Variants in KCNT2 observed in about 807,000 individuals in gnomAD.
The protein encoded by KCNT2 is potassium channel subfamily T member 2.
A neutral mutation model predicts 153.8 loss-of-function variants in KCNT2; 67 were observed. The ratio of observed to expected loss-of-function variants is 0.44; its 90% confidence interval spans 0.36 to 0.53. The LOEUF (loss-of-function observed/expected upper bound fraction) is 0.53, where lower values mean the gene tolerates loss of function less well. Among genes scored for constraint, KCNT2 ranks in the 20% least tolerant of loss-of-function variants. KCNT2 has a pLI of 0.00. For missense variants in KCNT2, 975 were observed against 1,354.8 expected, an observed-to-expected ratio of 0.72 and a Z score of 4.40; for synonymous variants, 500 against 458.8, an observed-to-expected ratio of 1.09 and a Z score of -1.15.
intron 25 of KCNT2, among the ~76,000 whole-genome samples, chr1:196,265,257 C>T (rs775523697): frequency 5.3e-5 from 8 of 152,216 alleles, no homozygotes; most frequent in Non-Finnish European, 7.4e-5. Context: ...GTTGTATTGT[C>T]GAGACAATTA....
chr1:196,479,351 G>A (rs1160431818), intron 4 of KCNT2, 113 bp from the exon 5 acceptor site: 9 of 622,194 alleles, frequency 1.4e-5, no homozygotes, highest in Middle Eastern at 4.2e-4. Context: ...ATATATGGGT[G>A]TATAATAGGA....
At chr1:196,365,609 C>CA (rs377364051) in intron 14 of KCNT2, among the ~76,000 whole-genome samples, 8 of 151,540 alleles carry the variant, frequency 5.3e-5, no homozygotes, top group East Asian at 1.9e-4. Flanking sequence ...GTCATTGTTC[C>CA]AAAAAAAATC....
intron 1 of KCNT2, among the ~76,000 whole-genome samples, chr1:196,525,626 G>T (rs1246143136): frequency 6.6e-6 from 1 of 152,182 alleles, no homozygotes. Flanking sequence ...CTATAGAAAA[G>T]ATGGGAAGGT....
chr1:196,398,626 G>C lies in KCNT2; in HGVS notation c.1231C>G (p.Pro411Ala). ...LRAWAVKDFA[P>A]NCPLYVQILK... ...ATCTGGACATACAAAGGACAATTTG[G>C]AGCAAAATCTTTCACAGCCCATGCT... Residue 411 changes from proline to alanine, a missense_variant, in exon 13 of 28, where the codon CCA becomes GCA. Coordinates refer to ENST00000294725, the MANE Select transcript of KCNT2 (RefSeq NM_198503.5). The C allele has an allele frequency of 6.2e-7, 1 of 1,608,840 alleles. No homozygotes were observed. Among genetic ancestry groups the C allele is most frequent in the Non-Finnish European group, 8.5e-7 (1 of 1,176,552 alleles).
intron 14 of KCNT2, among the ~76,000 whole-genome samples, chr1:196,363,896 C>G (rs1001081330): frequency 3.9e-5 from 6 of 152,086 alleles, no homozygotes; most frequent in Non-Finnish European, 7.4e-5. Context: ...AGTATATATA[C>G]TAGCAAACAT....
intron 27 of KCNT2, among the ~76,000 whole-genome samples, chr1:196,235,353 CCTT>C (rs1553259834): frequency 6.6e-6 from 1 of 151,370 alleles, no homozygotes; most frequent in Non-Finnish European, 1.5e-5. Flanking sequence ...AATAATGTCT[CCTT>C]CTATTAATTC....
intron 1 of KCNT2, among the ~76,000 whole-genome samples, chr1:196,501,303 C>T (rs1260608291): frequency 6.6e-6 from 1 of 152,000 alleles, no homozygotes; most frequent in African/African-American, 2.4e-5. Flanking sequence ...ATGGAATGAA[C>T]TTAAGTGTAT....
chr1:196,466,791 T>C (rs994726290), intron 7 of KCNT2, among the ~76,000 whole-genome samples: 1 of 152,050 alleles, frequency 6.6e-6, no homozygotes, highest in Non-Finnish European at 1.5e-5. Flanking sequence ...ACATTTGTGG[T>C]ATGAATGACT....
In KCNT2 at chr1:196,538,395, G is replaced by A. The variant is rs145812690; in HGVS notation, c.96-46054C>T. On this transcript the variant is annotated intron_variant, in intron 1 of 27. Coordinates refer to ENST00000294725, the MANE Select transcript of KCNT2 (RefSeq NM_198503.5). ...TTCTAACTGAGGTCTAAGGGGAGTC[G>A]GTGAAGTGGTGGGTAGCTGGAAAAA... Among the ~76,000 whole-genome samples, 682 of 152,194 alleles carry A rather than the reference G, an allele frequency of 4.5e-3. 14 individuals are homozygous for A. The South Asian group carries it at 0.063, about 14-fold the overall frequency.
intron 13 of KCNT2, among the ~76,000 whole-genome samples, chr1:196,389,500 T>C (rs926411596): frequency 6.6e-6 from 1 of 151,748 alleles, no homozygotes; most frequent in Non-Finnish European, 1.5e-5. Flanking sequence ...GTGAATGTTA[T>C]CTTATACAAT....
chr1:196,592,349 C>A (rs920334598), intron 1 of KCNT2, among the ~76,000 whole-genome samples: 1 of 150,918 alleles, frequency 6.6e-6, no homozygotes, highest in Non-Finnish European at 1.5e-5. Flanking sequence ...TTAATAGAGG[C>A]TGGGAGGATA....
At chr1:196,407,263 A>C (rs1341676173) in intron 12 of KCNT2, among the ~76,000 whole-genome samples, 2 of 151,436 alleles carry the variant, frequency 1.3e-5, no homozygotes, top group South Asian at 2.1e-4. Flanking sequence ...ACTGGTATAC[A>C]AATGTCAAAT....
chr1:196,535,653 T>C (rs1226813536), intron 1 of KCNT2, among the ~76,000 whole-genome samples: 1 of 152,066 alleles, frequency 6.6e-6, no homozygotes, highest in Non-Finnish European at 1.5e-5. Context: ...GGAGAGTTGG[T>C]GGGGTGGTGG....
chr1:196,522,176 T>C (rs367943319), intron 1 of KCNT2, among the ~76,000 whole-genome samples: 1 of 152,212 alleles, frequency 6.6e-6, no homozygotes, highest in African/African-American at 2.4e-5. Context: ...ATTTTCTGCA[T>C]GCATATTTAC....
rs1425814762 is a variant in KCNT2 at position 196,258,508 on chromosome 1, A to G, written c.2911-14T>C. 2 of 1,407,358 alleles carry G rather than the reference A, an allele frequency of 1.4e-6. No homozygotes were observed. The highest frequency in any genetic ancestry group is 2.0e-6 in the Non-Finnish European group (2 of 1,014,470). 87.2% of individuals were successfully genotyped at this position (1,407,358 alleles called of 1,614,324 possible). A position where few individuals can be genotyped will look rare whatever the true frequency, so the allele number is the denominator to read the frequency against. On this transcript the variant is annotated splice_polypyrimidine_tract_variant and intron_variant, in intron 25 of 27. Transcript: ENST00000294725. The stretch of plus-strand genomic sequence containing the variant: ...AGATATTTGAGACTTTAAAGGAAAT[A>G]GATATTGATAATTAGATACTTTAGA...
chr1:196,372,047 C>T (rs1248435283), intron 14 of KCNT2, among the ~76,000 whole-genome samples: 1 of 152,006 alleles, frequency 6.6e-6, no homozygotes, highest in African/African-American at 2.4e-5. Flanking sequence ...ACACTTTCTG[C>T]AAAGAAGATA....
chr1:196,526,334 C>T (rs1366159573), intron 1 of KCNT2, among the ~76,000 whole-genome samples: 1 of 150,574 alleles, frequency 6.6e-6, no homozygotes, highest in Non-Finnish European at 1.5e-5. Context: ...TAAATGCACA[C>T]ATACACAGTC....
chr1:196,500,283 AGGGAGGGAGGGAGGGAGGG>A (rs1680586432), intron 1 of KCNT2, among the ~76,000 whole-genome samples: 84 of 7,052 alleles, frequency 0.012, 2 homozygotes, highest in Admixed American at 0.018. Context: ...GAAGGAAGGG[AGGGAGGGAGGGAGGGAGGG>A]AGGGAGGGAG....
intron 27 of KCNT2, 136 bp from the exon 28 acceptor site, chr1:196,228,471 T>C (rs982162322): frequency 3.7e-6 from 2 of 535,182 alleles, no homozygotes; most frequent in Admixed American, 3.7e-5. Context: ...ACATTGGTGG[T>C]AGAACTCACT....
Sources: allele counts gnomAD v4.1 joint callset (sites outside exome capture counted in the v4.1 genomes callset), GRCh38; gene constraint gnomAD v4.1.1; transcripts MANE v1.5; gene names NCBI Gene and HGNC (gene_info 2026-07-23, HGNC 2026-07-21).